Variants in IFI27L1 observed in about 807,000 individuals in gnomAD.
IFI27L1 encodes the protein interferon alpha inducible protein 27 like 1.
IFI27L1 carries 3 observed loss-of-function variants against 9.2 expected under a neutral mutation model. The ratio of observed to expected loss-of-function variants is 0.32; its 90% CI spans 0.15 to 0.84. The LOEUF (loss-of-function observed/expected upper bound fraction) is 0.84, where lower values mean the gene tolerates loss of function less well. Ranked by LOEUF, IFI27L1 falls within the 40% of genes least tolerant of loss-of-function variation. The probability of loss-of-function intolerance (pLI) is 0.56; values close to 1 mark genes in which losing one functional copy is unlikely to be tolerated. For synonymous variants in IFI27L1, 53 were observed against 50.0 expected, an observed-to-expected ratio of 1.06 and a Z score of -0.26; for missense variants, 133 against 134.2, an observed-to-expected ratio of 0.99 and a Z score of 0.05.
chr14:94,097,152 C>A (rs1886704728), intron 2 of IFI27L1, among the ~76,000 whole-genome samples, 187 bp downstream of exon 2: 1 of 152,188 alleles, frequency 6.6e-6, no homozygotes, highest in Non-Finnish European at 1.5e-5. Context: ...CACAGTGGAC[C>A]ATGGCGGGGC....
chr14:94,093,828 T>G (rs1421862137), intron 1 of IFI27L1, among the ~76,000 whole-genome samples: 1 of 152,214 alleles, frequency 6.6e-6, no homozygotes, highest in Non-Finnish European at 1.5e-5. Flanking sequence ...GTGTCTATCT[T>G]TTTCTCTTGA....
intron 1 of IFI27L1, among the ~76,000 whole-genome samples, chr14:94,091,526 A>G (rs1428207473): frequency 6.6e-6 from 1 of 152,178 alleles, no homozygotes; most frequent in Non-Finnish European, 1.5e-5. Flanking sequence ...TCATTTTTGG[A>G]CTTGAGGAGA....
chr14:94,091,621 T>C (rs2180084), intron 1 of IFI27L1, among the ~76,000 whole-genome samples: 44,084 of 151,810 alleles, frequency 0.29, 6,753 homozygotes, highest in East Asian at 0.51. Flanking sequence ...ATATCAGAGG[T>C]TTAAAACACT....
chr14:94,091,620 G>A (rs1176039367), intron 1 of IFI27L1, among the ~76,000 whole-genome samples: 1 of 152,026 alleles, frequency 6.6e-6, no homozygotes, highest in African/African-American at 2.4e-5. Context: ...AATATCAGAG[G>A]TTTAAAACAC....
intron 2 of IFI27L1, among the ~76,000 whole-genome samples, chr14:94,098,304 T>G (rs2139273514): frequency 1.3e-5 from 2 of 152,286 alleles, no homozygotes; most frequent in Admixed American, 1.3e-4. Context: ...GTGGCTGCTG[T>G]CAGTCTTCGA....
At chr14:94,083,225 A>G (rs1206887389) in intron 1 of IFI27L1, among the ~76,000 whole-genome samples, 1 of 152,244 alleles carries the variant, frequency 6.6e-6, no homozygotes, top group Non-Finnish European at 1.5e-5. Context: ...GCCTGAAGAT[A>G]TGACTGAATT....
intron 1 of IFI27L1, among the ~76,000 whole-genome samples, chr14:94,084,869 C>A (rs1271436217): frequency 1.3e-5 from 2 of 152,204 alleles, no homozygotes; most frequent in Non-Finnish European, 2.9e-5. Context: ...AGCCCTTTCT[C>A]TTCCTCAAGG....
intron 1 of IFI27L1, chr14:94,088,347 G>T (rs1339870999): frequency 2.8e-6 from 2 of 702,218 alleles, no homozygotes; most frequent in South Asian, 1.5e-5. Flanking sequence ...GAGCCAACAG[G>T]TGTGGCAGTG....
chr14:94,097,971 A>G (rs1161828934), intron 2 of IFI27L1, among the ~76,000 whole-genome samples: 1 of 152,198 alleles, frequency 6.6e-6, no homozygotes, highest in Non-Finnish European at 1.5e-5. Flanking sequence ...AAGTGCCCCC[A>G]GGTGTGGGGC....
At chr14:94,088,902 A>G (rs17190904) in intron 1 of IFI27L1, 12,081 of 152,164 alleles carry the variant, frequency 0.079, 541 homozygotes, top group Non-Finnish European at 0.092. Context: ...AATCGTGCAA[A>G]AGTATTATTT....
At chr14:94,090,610 G>A (rs1436863948) in intron 1 of IFI27L1, among the ~76,000 whole-genome samples, 5 of 152,170 alleles carry the variant, frequency 3.3e-5, no homozygotes, top group Non-Finnish European at 7.3e-5. Flanking sequence ...AAGATAACTT[G>A]GGGCTCTTGG....
chr14:94,088,176 G>T lies in IFI27L1; in HGVS notation c.-52+6727G>T, dbSNP rs1218971121. ...TCCCCTGTGCAAGGATGTGAAGGTG[G>T]AAGGGACACAGGGGCTGTGCTTCGG... On this transcript the variant is annotated intron_variant, in intron 1 of 4. Coordinates refer to ENST00000555523, the MANE Select transcript of IFI27L1 (RefSeq NM_206949.3). 5 of 692,062 alleles carry T rather than the reference G, an allele frequency of 7.2e-6. No homozygotes were observed. In the East Asian group the frequency reaches 1.3e-4, roughly 19 times the overall value. 42.9% of individuals were successfully genotyped at this position (692,062 alleles called of 1,614,324 possible).
intron 1 of IFI27L1, among the ~76,000 whole-genome samples, chr14:94,084,856 T>TC (rs1886226029): frequency 6.6e-6 from 1 of 152,184 alleles, no homozygotes; most frequent in Non-Finnish European, 1.5e-5. Flanking sequence ...TTTAAAGGAC[T>TC]CCAGCCCTTT....
chr14:94,102,420 C>T, intron 4 of IFI27L1, 57 bp from the exon 5 acceptor site: 1 of 1,138,188 alleles, frequency 8.8e-7, no homozygotes, highest in Non-Finnish European at 1.3e-6. Context: ...CTTCAACCCC[C>T]TGTTAGGAGC....
intron 2 of IFI27L1, among the ~76,000 whole-genome samples, chr14:94,099,613 A>T (rs1886817406): frequency 6.6e-6 from 1 of 152,084 alleles, no homozygotes. Flanking sequence ...TGGATTGTGG[A>T]CTTCCAGCCT....
rs186640704 is a variant in IFI27L1 at position 94,084,958 on chromosome 14, G to C, written c.-52+3509G>C. On this transcript the variant is annotated intron_variant, in intron 1 of 4. Coordinates refer to ENST00000555523, the MANE Select transcript of IFI27L1 (RefSeq NM_206949.3). Reference sequence around the variant, plus strand: ...TCTTTTAATTCCTGTTCCAATGCCAGTATACTCAGCCTGAGTGACAAAGCA... The same window carrying C: ...TCTTTTAATTCCTGTTCCAATGCCACTATACTCAGCCTGAGTGACAAAGCA... Among the ~76,000 whole-genome samples, 164 of 152,084 alleles carry C rather than the reference G, an allele frequency of 1.1e-3. 3 individuals carry two copies. The South Asian group carries it at 0.016, about 15-fold the overall frequency.
At chr14:94,098,263 G>C (rs1886747608) in intron 2 of IFI27L1, among the ~76,000 whole-genome samples, 1 of 152,204 alleles carries the variant, frequency 6.6e-6, no homozygotes, top group Middle Eastern at 3.2e-3. Flanking sequence ...GGCCCTTCAG[G>C]AGAATGTTCC....
At chr14:94,097,115 G>A in intron 2 of IFI27L1, 150 bp downstream of exon 2, 2 of 646,276 alleles carry the variant, frequency 3.1e-6, no homozygotes, top group South Asian at 2.6e-5. Flanking sequence ...TGAATGACGG[G>A]ATTTTTAAAT....
intron 2 of IFI27L1, 89 bp downstream of exon 2, chr14:94,097,054 A>T: frequency 1.0e-6 from 1 of 1,000,824 alleles, no homozygotes; most frequent in Non-Finnish European, 1.5e-6. Flanking sequence ...GATTATGTCA[A>T]CCCCAAATAA....
Sources: allele counts gnomAD v4.1 joint callset (sites outside exome capture counted in the v4.1 genomes callset), GRCh38; gene constraint gnomAD v4.1.1; transcripts MANE v1.5; gene names NCBI Gene and HGNC (gene_info 2026-07-23, HGNC 2026-07-21).